The following TTC39B variants were observed in gnomAD, a reference collection of about 807,000 sequenced individuals.
TTC39B encodes the protein tetratricopeptide repeat domain 39B, also known as tetratricopeptide repeat protein 39B.
A neutral mutation model predicts 96.6 loss-of-function variants in TTC39B; 92 were observed. The ratio of observed to expected loss-of-function variants is 0.95; its 90% CI spans 0.80 to 1.13. The LOEUF is 1.13. Ranked by LOEUF, TTC39B falls within the 50% of genes most tolerant of loss-of-function variation. The pLI is 0.00. For missense variants in TTC39B, 955 were observed against 809.3 expected (o/e 1.18, Z -2.18); for synonymous variants, 367 against 299.4 (o/e 1.23, Z -2.33).
chr9:15,167,071 C>G (rs1277610644), exon 20 of TTC39B: 3 of 94,136 alleles, frequency 3.2e-5, no homozygotes, highest in African/African-American at 1.3e-4. Flanking sequence ...GGGTCTCACT[C>G]TGTCACCTGG....
chr9:15,304,986 A>C (rs1650117748), intron 1 of TTC39B, among the ~76,000 whole-genome samples: 1 of 152,210 alleles, frequency 6.6e-6, no homozygotes, highest in African/African-American at 2.4e-5. Context: ...CCAGAATATC[A>C]AATAATGGCC....
chr9:15,186,754 G>T, intron 15 of TTC39B, 190 bp downstream of exon 15: 1 of 542,910 alleles, frequency 1.8e-6, no homozygotes, highest in East Asian at 3.0e-5. Flanking sequence ...CAGTGCAATG[G>T]CATTATTTCA....
intron 10 of TTC39B, 112 bp from the exon 11 acceptor site, chr9:15,190,774 T>C (rs1818813787): frequency 2.3e-6 from 2 of 864,402 alleles, no homozygotes; most frequent in East Asian, 2.6e-5. Flanking sequence ...ATTTCATATA[T>C]TACGCTGTGG....
chr9:15,254,847 AC>A (rs1822691394), intron 2 of TTC39B, among the ~76,000 whole-genome samples: 2 of 142,038 alleles, frequency 1.4e-5, no homozygotes, highest in Non-Finnish European at 3.0e-5. Context: ...ACACACACAC[AC>A]ACACACACAC....
intron 2 of TTC39B, chr9:15,232,278 C>T (rs1317828480): frequency 6.6e-6 from 1 of 152,630 alleles, no homozygotes; most frequent in Non-Finnish European, 1.5e-5. Context: ...CAGACAGAAT[C>T]GCGCAGGGCC....
chr9:15,272,400 T>A (rs1464372464), intron 1 of TTC39B, among the ~76,000 whole-genome samples: 1 of 152,078 alleles, frequency 6.6e-6, no homozygotes, highest in Non-Finnish European at 1.5e-5. Context: ...ACACGCACAC[T>A]CAGAGGAGCA....
intron 2 of TTC39B, among the ~76,000 whole-genome samples, chr9:15,233,884 T>C (rs1189592134): frequency 3.3e-5 from 5 of 149,506 alleles, no homozygotes; most frequent in Admixed American, 1.3e-4. Context: ...CGTCTCTGCC[T>C]GGCTGCCATC....
At chr9:15,223,166 C>A (rs188537359) in intron 3 of TTC39B, among the ~76,000 whole-genome samples, 1 of 152,290 alleles carries the variant, frequency 6.6e-6, no homozygotes, top group East Asian at 1.9e-4. Flanking sequence ...TTTAGCTGAT[C>A]ATGTACTTCT....
intron 4 of TTC39B, among the ~76,000 whole-genome samples, chr9:15,212,309 G>C (rs986361615): frequency 6.8e-6 from 1 of 148,128 alleles, no homozygotes; most frequent in African/African-American, 2.5e-5. Flanking sequence ...CAAGGAATCA[G>C]AGCAGCCCAA....
At chr9:15,301,930 C>G (rs1444178724) in intron 1 of TTC39B, among the ~76,000 whole-genome samples, 1 of 152,162 alleles carries the variant, frequency 6.6e-6, no homozygotes, top group Non-Finnish European at 1.5e-5. Flanking sequence ...TAGTCAGTGT[C>G]TTAATTTTTT....
intron 2 of TTC39B, among the ~76,000 whole-genome samples, chr9:15,253,522 C>T (rs553891904): frequency 1.3e-5 from 2 of 152,332 alleles, no homozygotes; most frequent in African/African-American, 4.8e-5. Flanking sequence ...CATCTGACCT[C>T]CAGAACTGTA....
At chr9:15,196,432 C>A (rs927671330) in intron 8 of TTC39B, among the ~76,000 whole-genome samples, 7 of 152,096 alleles carry the variant, frequency 4.6e-5, no homozygotes, top group African/African-American at 1.7e-4. Context: ...TCAAAATGTC[C>A]ACATTAACAG....
chr9:15,188,780 G>A (rs547961873), intron 13 of TTC39B, among the ~76,000 whole-genome samples: 4 of 152,156 alleles, frequency 2.6e-5, no homozygotes, highest in South Asian at 4.1e-4. Flanking sequence ...TCTTAAGTGA[G>A]GAGGACAATT....
chr9:15,209,667 A>C (rs1262198593), intron 6 of TTC39B, among the ~76,000 whole-genome samples: 2 of 152,224 alleles, frequency 1.3e-5, no homozygotes, highest in Non-Finnish European at 2.9e-5. Flanking sequence ...CTAGGACACC[A>C]TTATTCATAT....
At chr9:15,214,296 C>T in intron 3 of TTC39B, 47 bp from the exon 4 acceptor site, 2 of 1,440,272 alleles carry the variant, frequency 1.4e-6, no homozygotes, top group South Asian at 1.1e-5. Context: ...GCTTTACGAT[C>T]AGCAAGTTGT....
chr9:15,225,079 C>A (rs1350724277), intron 3 of TTC39B, among the ~76,000 whole-genome samples: 1 of 151,958 alleles, frequency 6.6e-6, no homozygotes, highest in African/African-American at 2.4e-5. Flanking sequence ...CTTAATAACT[C>A]ATAAAAAAAA....
exon 1 of TTC39B, chr9:15,307,199 C>A (rs146201898): frequency 1.9e-4 from 301 of 1,568,646 alleles, no homozygotes; most frequent in Non-Finnish European, 2.5e-4. Context: ...CGGCTCTGGG[C>A]TCAGCCCAGC....
chr9:15,192,839 G>C (rs1397188603), intron 8 of TTC39B, 144 bp from the exon 9 acceptor site: 3 of 603,654 alleles, frequency 5.0e-6, no homozygotes, highest in Non-Finnish European at 5.8e-6. Flanking sequence ...GCTGTGCTGA[G>C]TTTACTCTTA....
At chr9:15,283,729 C>A (rs1823855214) in intron 1 of TTC39B, among the ~76,000 whole-genome samples, 1 of 152,088 alleles carries the variant, frequency 6.6e-6, no homozygotes, top group South Asian at 2.1e-4. Context: ...GATTCCTGTG[C>A]ATATCGGAAT....
Sources: gnomAD v4.1 joint callset for allele counts (sites outside exome capture counted in the v4.1 genomes callset) on GRCh38, gnomAD v4.1.1 for gene constraint, MANE v1.5 for transcripts, NCBI Gene and HGNC (gene_info 2026-07-23, HGNC 2026-07-21) for gene names.